The following GATAD1 variants were observed in gnomAD, a reference collection of about 807,000 sequenced individuals.
The protein encoded by GATAD1 is GATA zinc finger domain-containing protein 1.
GATAD1 carries 12 observed loss-of-function variants against 26.5 expected under a neutral mutation model. The observed-to-expected ratio is 0.45, with a 90% confidence interval of 0.29 to 0.73. The LOEUF (loss-of-function observed/expected upper bound fraction) is 0.73. Among genes scored for constraint, GATAD1 ranks in the 30% least tolerant of loss-of-function variants. The pLI is 0.10. For missense variants in GATAD1, 266 were observed against 342.1 expected, an observed-to-expected ratio of 0.78 and a Z score of 1.75; for synonymous variants, 129 against 133.1, an observed-to-expected ratio of 0.97 and a Z score of 0.21.
rs1439848267 is a variant in GATAD1 at position 92,454,506 on chromosome 7, T to C, written c.440T>C (p.Val147Ala). ...ITAESIFYKG[V>A]YYQIGDVVSV... is the part of the protein sequence containing the mutation. Reference sequence around the variant, plus strand: ...ATTATCTTCTGTTTCCCCCAGGGAGTATATTACCAAATTGGTGATGTTGTT... The same window carrying C: ...ATTATCTTCTGTTTCCCCCAGGGAGCATATTACCAAATTGGTGATGTTGTT... Residue 147 changes from valine (V) to alanine (A), a missense_variant, in exon 4 of 5, where the codon GTA becomes GCA. Physicochemically the swap from Val to Ala is moderately conservative, Grantham distance 64 (BLOSUM62 0). Coordinates refer to ENST00000287957, the MANE Select transcript of GATAD1 (RefSeq NM_021167.5). The C allele has an allele frequency of 1.2e-6, 2 of 1,603,336 alleles. No homozygotes were observed. The highest frequency in any genetic ancestry group is 8.5e-7 in the Non-Finnish European group (1 of 1,170,240).
At chr7:92,467,491 G>A in the GATAD1 span, among the ~76,000 whole-genome samples, 6 of 152,282 alleles carry the variant, frequency 3.9e-5, no homozygotes, top group East Asian at 1.2e-3. Flanking sequence ...CCTAAATTTG[G>A]AAGAGGAAGG....
chr7:92,484,355 A>G, the GATAD1 span, among the ~76,000 whole-genome samples: 1 of 152,048 alleles, frequency 6.6e-6, no homozygotes, highest in African/African-American at 2.4e-5. Context: ...GGGGTGGGTG[A>G]GCAGCCAAAG....
At chr7:92,495,556 TTGTCTA>T in the GATAD1 span, among the ~76,000 whole-genome samples, 1 of 152,208 alleles carries the variant, frequency 6.6e-6, no homozygotes, top group Non-Finnish European at 1.5e-5. Context: ...AATTTTGTTT[TTGTCTA>T]TGTCACCTAA....
chr7:92,491,163 A>G, the GATAD1 span: 1 of 762,884 alleles, frequency 1.3e-6, no homozygotes, highest in Non-Finnish European at 2.3e-6. Flanking sequence ...TGAAGAACCA[A>G]CCAACCAGGA....
At position 92,456,491 on chromosome 7, in the gene GATAD1, G is replaced by T. The variant is rs1789676862; in HGVS notation, c.739G>T (p.Gly247Cys). 1 of 1,612,800 alleles carries T rather than the reference G, an allele frequency of 6.2e-7. No homozygotes were observed. Residue 247 changes from glycine to cysteine, a missense_variant, in exon 5 of 5, where the codon GGC becomes TGC. Gly to Cys is a radical substitution (Grantham distance 159, BLOSUM62 -3). Coordinates refer to ENST00000287957, the MANE Select transcript of GATAD1 (RefSeq NM_021167.5). ...CACAGTTCCCACCAGACCAGAGAAGGGCTACATATGGACTCATGTTGGGCC... is the reference window on the plus strand; with the variant it reads ...CACAGTTCCCACCAGACCAGAGAAGTGCTACATATGGACTCATGTTGGGCC... The part of the protein sequence containing the change: ...FPTVPTRPEK[G>C]YIWTHVGPTP...
At chr7:92,491,066 G>C in the GATAD1 span, among the ~76,000 whole-genome samples, 1 of 152,166 alleles carries the variant, frequency 6.6e-6, no homozygotes, top group Non-Finnish European at 1.5e-5. Flanking sequence ...GCGCTACTTT[G>C]GTTCCTTGCT....
chr7:92,458,813 T>A lies in GATAD1; in HGVS notation c.*2251T>A, dbSNP rs1396658200. On this transcript the variant is annotated 3_prime_UTR_variant, in exon 5 of 5. Coordinates refer to ENST00000287957, the MANE Select transcript of GATAD1 (RefSeq NM_021167.5). ...AGTGCCAATATTCAAAACTTTTGGATTAAAATGTATTTTTCACCGTGCATT... is the reference window on the plus strand; with the variant it reads ...AGTGCCAATATTCAAAACTTTTGGAATAAAATGTATTTTTCACCGTGCATT... The A allele has an allele frequency of 6.6e-6, 1 of 152,240 alleles. No individual in the cohort carries two copies. The highest frequency in any genetic ancestry group is 1.5e-5 in the Non-Finnish European group (1 of 68,040). 9.4% of individuals were successfully genotyped at this position (152,240 alleles called of 1,614,324 possible). A position where few individuals can be genotyped will look rare whatever the true frequency, so the allele number is the denominator to read the frequency against.
At chr7:92,463,379 A>C (rs1338145145), downstream of GATAD1, among the ~76,000 whole-genome samples, 2 of 152,192 alleles carry the variant, frequency 1.3e-5, no homozygotes, top group Admixed American at 6.5e-5. Context: ...GGGCTGGCGC[A>C]GTGGCTCATG....
the GATAD1 span, among the ~76,000 whole-genome samples, chr7:92,482,628 T>C: frequency 6.6e-6 from 1 of 151,264 alleles, no homozygotes; most frequent in Middle Eastern, 3.2e-3. Context: ...CCCATACTTG[T>C]GGGTTAAGGT....
the GATAD1 span, chr7:92,491,499 C>T: frequency 6.3e-7 from 1 of 1,594,116 alleles, no homozygotes; most frequent in Non-Finnish European, 8.6e-7. Flanking sequence ...CTGGAACTTC[C>T]ATCCTAAAAT....
the GATAD1 span, chr7:92,494,254 C>T: frequency 1.4e-6 from 2 of 1,392,526 alleles, no homozygotes; most frequent in East Asian, 2.3e-5. Context: ...AAGAGTGTAG[C>T]ATTTGTTGGG....
the GATAD1 span, chr7:92,469,211 C>A: frequency 1.4e-6 from 1 of 718,384 alleles, no homozygotes; most frequent in South Asian, 1.4e-5. Context: ...CCTCTTTCAG[C>A]GGTTAGCAAG....
chr7:92,475,806 C>T, the GATAD1 span, among the ~76,000 whole-genome samples: 4 of 152,174 alleles, frequency 2.6e-5, no homozygotes, highest in Non-Finnish European at 5.9e-5. Context: ...CCAGCTGCCC[C>T]ATCAAGATGC....
the GATAD1 span, chr7:92,494,538 G>A: frequency 8.1e-6 from 13 of 1,613,580 alleles, no homozygotes; most frequent in East Asian, 4.5e-5. Context: ...TTAACTACTC[G>A]GTCTGTAACT....
chr7:92,482,903 CA>C, the GATAD1 span, among the ~76,000 whole-genome samples: 2 of 152,162 alleles, frequency 1.3e-5, no homozygotes, highest in Non-Finnish European at 2.9e-5. Context: ...GAAAGGGAAA[CA>C]GGCCCTTGAA....
the GATAD1 span, chr7:92,494,153 T>A: frequency 1.4e-6 from 1 of 724,424 alleles, no homozygotes. Context: ...CTTTTTATGC[T>A]TTGAGCAAAC....
chr7:92,480,988 G>A, the GATAD1 span, among the ~76,000 whole-genome samples: 4 of 152,188 alleles, frequency 2.6e-5, no homozygotes, highest in Non-Finnish European at 4.4e-5. Flanking sequence ...AAATATTGAC[G>A]TGTAGTCCCT....
At chr7:92,462,525 T>C (rs1387218579), downstream of GATAD1, among the ~76,000 whole-genome samples, 1 of 152,262 alleles carries the variant, frequency 6.6e-6, no homozygotes, top group African/African-American at 2.4e-5. Context: ...TAGCATCCAC[T>C]ACTTACGTAG....
In GATAD1 at chr7:92,456,779, A is replaced by G. The variant is rs1214448705; in HGVS notation, c.*217A>G. On this transcript the variant is annotated 3_prime_UTR_variant, in exon 5 of 5. Coordinates refer to ENST00000287957, the MANE Select transcript of GATAD1 (RefSeq NM_021167.5). ...AATTCTTAGCTGGAAAAGTGACTAA[A>G]AAGTTTTTCTCCTGCTACCTAGTAA... 2.2e-6 allele frequency: 1 copy of G among 454,506 alleles called. No homozygotes were observed. 28.2% of individuals were successfully genotyped at this position (454,506 alleles called of 1,614,324 possible).
Sources: allele counts gnomAD v4.1 joint callset (sites outside exome capture counted in the v4.1 genomes callset), GRCh38; gene constraint gnomAD v4.1.1; transcripts MANE v1.5; gene names NCBI Gene and HGNC (gene_info 2026-07-23, HGNC 2026-07-21).